SIPA1L3: variants seen among roughly 807,000 people sequenced by gnomAD.
The protein encoded by SIPA1L3 is signal-induced proliferation-associated 1-like protein 3.
In SIPA1L3, 59 loss-of-function variants were observed where a neutral mutation model predicts 150.1. The ratio of observed to expected loss-of-function variants is 0.39; its 90% confidence interval spans 0.32 to 0.49. SIPA1L3 has a LOEUF of 0.49. SIPA1L3 is among the 20% of genes least tolerant of loss of function. The pLI, the probability that SIPA1L3 is intolerant of heterozygous loss-of-function variation, is 0.86. For missense variants in SIPA1L3, 2,211 were observed against 2,489.5 expected (o/e 0.89, Z 2.38); for synonymous variants, 1,070 against 1,077.6 (o/e 0.99, Z 0.14).
At chr19:38,126,771 G>A (rs962542413) in intron 9 of SIPA1L3, among the ~76,000 whole-genome samples, 2 of 151,904 alleles carry the variant, frequency 1.3e-5, no homozygotes, top group Non-Finnish European at 2.9e-5. Flanking sequence ...CCTGACCTGA[G>A]GTGATCTGCC....
At chr19:38,027,944 G>C (rs1418150066) in intron 1 of SIPA1L3, among the ~76,000 whole-genome samples, 1 of 151,968 alleles carries the variant, frequency 6.6e-6, no homozygotes, top group Non-Finnish European at 1.5e-5. Flanking sequence ...TTGGGTGATC[G>C]GGAGAGTGAA....
chr19:38,063,996 C>T (rs1052499778), intron 2 of SIPA1L3, among the ~76,000 whole-genome samples: 15 of 152,344 alleles, frequency 9.8e-5, no homozygotes, highest in South Asian at 2.1e-4. Flanking sequence ...CTCTCACCTG[C>T]GCTTTCAGGC....
At chr19:37,985,878 G>A (rs536081077) in intron 1 of SIPA1L3, among the ~76,000 whole-genome samples, 22 of 152,324 alleles carry the variant, frequency 1.4e-4, no homozygotes, top group African/African-American at 4.6e-4. Context: ...GAGACCCTTC[G>A]CCCCTTGGGT....
intron 2 of SIPA1L3, among the ~76,000 whole-genome samples, chr19:38,067,711 G>A (rs186762174): frequency 1.3e-5 from 2 of 150,990 alleles, no homozygotes; most frequent in South Asian, 2.1e-4. Flanking sequence ...GCAGTGAGCC[G>A]AGATCATGCC....
chr19:37,977,869 C>T (rs1967111202), intron 1 of SIPA1L3, among the ~76,000 whole-genome samples: 1 of 152,200 alleles, frequency 6.6e-6, no homozygotes, highest in Admixed American at 6.5e-5. Context: ...AACTAAATGC[C>T]TAGAACAGTG....
intron 1 of SIPA1L3, among the ~76,000 whole-genome samples, chr19:37,928,014 C>T (rs984194617): frequency 5.9e-5 from 9 of 152,068 alleles, no homozygotes; most frequent in African/African-American, 1.2e-4. Flanking sequence ...AAGAGTGCTG[C>T]GATGAACGTA....
At chr19:37,957,338 T>A (rs1487691393) in intron 1 of SIPA1L3, among the ~76,000 whole-genome samples, 2 of 152,186 alleles carry the variant, frequency 1.3e-5, no homozygotes, top group African/African-American at 2.4e-5. Flanking sequence ...TGATAGACTG[T>A]GTGTTGACTC....
chr19:37,923,774 T>G (rs559282484), intron 1 of SIPA1L3, among the ~76,000 whole-genome samples: 2 of 152,160 alleles, frequency 1.3e-5, no homozygotes, highest in Non-Finnish European at 2.9e-5. Flanking sequence ...TTTTTCTTTT[T>G]TTTGAGACAG....
intron 1 of SIPA1L3, among the ~76,000 whole-genome samples, chr19:37,953,677 A>G (rs931322206): frequency 6.6e-6 from 1 of 152,200 alleles, no homozygotes; most frequent in Non-Finnish European, 1.5e-5. Context: ...TCCCTTGAGC[A>G]GCTTTGCTTT....
At chr19:38,077,429 C>A (rs1471212849) in intron 2 of SIPA1L3, among the ~76,000 whole-genome samples, 1 of 151,662 alleles carries the variant, frequency 6.6e-6, no homozygotes, top group African/African-American at 2.4e-5. Flanking sequence ...CCAGCCTTGA[C>A]AACAGAGAAA....
chr19:38,057,957 C>T (rs1393070255), intron 2 of SIPA1L3, among the ~76,000 whole-genome samples: 6 of 152,114 alleles, frequency 3.9e-5, no homozygotes, highest in African/African-American at 1.2e-4. Context: ...CCACCATGCC[C>T]GGCCTGAGAA....
chr19:38,090,204 C>G (rs1970229435), intron 4 of SIPA1L3, among the ~76,000 whole-genome samples: 1 of 151,948 alleles, frequency 6.6e-6, no homozygotes, highest in Admixed American at 6.6e-5. Flanking sequence ...GTGGCAGGCA[C>G]CTGTAATCCT....
intron 2 of SIPA1L3, among the ~76,000 whole-genome samples, chr19:38,030,233 C>T (rs917593819): frequency 3.3e-5 from 5 of 152,036 alleles, no homozygotes; most frequent in African/African-American, 4.8e-5. Context: ...GCAGCCCCAC[C>T]GCCCCACTAT....
intron 10 of SIPA1L3, among the ~76,000 whole-genome samples, chr19:38,140,301 C>G (rs950979248): frequency 6.6e-6 from 1 of 152,116 alleles, no homozygotes; most frequent in African/African-American, 2.4e-5. Context: ...CGGATCTCCC[C>G]GCCTCAAGCC....
intron 8 of SIPA1L3, among the ~76,000 whole-genome samples, chr19:38,111,860 T>G (rs141699216): frequency 6.6e-6 from 1 of 152,318 alleles, no homozygotes; most frequent in Non-Finnish European, 1.5e-5. Flanking sequence ...ATGGGAGATA[T>G]TTACACACAT....
At chr19:38,056,692 A>G (rs996994310) in intron 2 of SIPA1L3, among the ~76,000 whole-genome samples, 2 of 152,250 alleles carry the variant, frequency 1.3e-5, no homozygotes, top group African/African-American at 4.8e-5. Flanking sequence ...AGTGAATGGA[A>G]GTAAATCAAA....
At chr19:38,028,949 C>G (rs972903950) in intron 1 of SIPA1L3, 140 bp from the exon 2 acceptor site, 3 of 152,260 alleles carry the variant, frequency 2.0e-5, no homozygotes, top group African/African-American at 7.2e-5. Context: ...CTGCCTTGGC[C>G]TCCCATAGTG....
chr19:38,009,437 C>A (rs2145677304), intron 1 of SIPA1L3, among the ~76,000 whole-genome samples: 1 of 152,180 alleles, frequency 6.6e-6, no homozygotes, highest in East Asian at 1.9e-4. Flanking sequence ...TATCAGAGTC[C>A]AATTTGCCCA....
intron 1 of SIPA1L3, among the ~76,000 whole-genome samples, chr19:37,987,147 C>T (rs1967375003): frequency 6.6e-6 from 1 of 151,996 alleles, no homozygotes; most frequent in Non-Finnish European, 1.5e-5. Context: ...AGGCTGGTCT[C>T]AAACTCCCGA....
Sources: allele counts gnomAD v4.1 joint callset (sites outside exome capture counted in the v4.1 genomes callset), GRCh38; gene constraint gnomAD v4.1.1; transcripts MANE v1.5; gene names NCBI Gene and HGNC (gene_info 2026-07-23, HGNC 2026-07-21).